PCDH7: variants seen among roughly 807,000 people sequenced by gnomAD.
The protein encoded by PCDH7 is protocadherin-7.
PCDH7 carries 17 observed loss-of-function variants against 58.9 expected under a neutral mutation model. The ratio of observed to expected loss-of-function variants is 0.29; its 90% CI spans 0.20 to 0.43. The LOEUF (loss-of-function observed/expected upper bound fraction) is 0.43. Ranked by LOEUF, PCDH7 falls within the 20% of genes least tolerant of loss-of-function variation. The probability of loss-of-function intolerance (pLI) is 1.00; values close to 1 mark genes in which losing one functional copy is unlikely to be tolerated. For missense variants in PCDH7, 1,274 were observed against 1,441.0 expected (o/e 0.88, Z 1.88); for synonymous variants, 664 against 616.4 (o/e 1.08, Z -1.14).
chr4:31,008,550 T>G (rs1041691601), intron 3 of PCDH7, among the ~76,000 whole-genome samples: 1 of 152,150 alleles, frequency 6.6e-6, no homozygotes, highest in African/African-American at 2.4e-5. Flanking sequence ...AAATTTTAAA[T>G]GAATATTAGT....
At chr4:30,769,391 G>A (rs1721120193) in intron 1 of PCDH7, among the ~76,000 whole-genome samples, 1 of 152,132 alleles carries the variant, frequency 6.6e-6, no homozygotes, top group Non-Finnish European at 1.5e-5. Context: ...CATCTGTGTT[G>A]GTATTCTTTC....
intron 3 of PCDH7, among the ~76,000 whole-genome samples, chr4:31,054,333 C>T (rs1756981072): frequency 6.6e-6 from 1 of 152,112 alleles, no homozygotes; most frequent in Non-Finnish European, 1.5e-5. Context: ...TCAAAGCAGC[C>T]ACAACAAATT....
chr4:30,883,491 C>T (rs1046678719), intron 1 of PCDH7, among the ~76,000 whole-genome samples: 2 of 152,126 alleles, frequency 1.3e-5, no homozygotes, highest in African/African-American at 2.4e-5. Context: ...TAACGTGGTA[C>T]TTACTTTGTT....
At chr4:31,026,661 A>T (rs931789148) in intron 3 of PCDH7, among the ~76,000 whole-genome samples, 1 of 152,092 alleles carries the variant, frequency 6.6e-6, no homozygotes, top group Non-Finnish European at 1.5e-5. Context: ...TTGGCTTCCC[A>T]CATAATTAAA....
chr4:30,958,186 GT>G (rs1197793114), intron 3 of PCDH7, among the ~76,000 whole-genome samples: 7 of 151,978 alleles, frequency 4.6e-5, no homozygotes, highest in Non-Finnish European at 1.0e-4. Context: ...TAGTAAGATA[GT>G]TTGCTGGTGG....
At chr4:31,109,130 T>C (rs1051550374) in intron 3 of PCDH7, among the ~76,000 whole-genome samples, 39 of 152,160 alleles carry the variant, frequency 2.6e-4, no homozygotes, top group Non-Finnish European at 8.8e-5. Flanking sequence ...AGTGTAACAA[T>C]GTTGCTTCCA....
intron 3 of PCDH7, among the ~76,000 whole-genome samples, chr4:30,968,579 G>A (rs956807736): frequency 7.9e-5 from 12 of 151,274 alleles, no homozygotes; most frequent in Admixed American, 6.6e-5. Flanking sequence ...AGACATTATT[G>A]TGCATACTTT....
chr4:31,136,887 A>G (rs980791660), intron 3 of PCDH7, among the ~76,000 whole-genome samples: 2 of 143,140 alleles, frequency 1.4e-5, no homozygotes, highest in Admixed American at 1.4e-4. Context: ...ATCCAAAAAA[A>G]AGTTTTGGTT....
chr4:30,784,241 G>A (rs1442553910), intron 1 of PCDH7, among the ~76,000 whole-genome samples: 1 of 152,162 alleles, frequency 6.6e-6, no homozygotes, highest in African/African-American at 2.4e-5. Context: ...TGATTCCTAA[G>A]TAGTTGTGTA....
At chr4:30,780,730 G>A (rs1029819474) in intron 1 of PCDH7, among the ~76,000 whole-genome samples, 13 of 152,190 alleles carry the variant, frequency 8.5e-5, no homozygotes, top group South Asian at 2.1e-4. Context: ...GTCTGTGTAC[G>A]TCTAATTGAG....
chr4:31,141,537 T>G (rs1278201536), intron 3 of PCDH7, among the ~76,000 whole-genome samples: 5 of 152,200 alleles, frequency 3.3e-5, no homozygotes. Context: ...TACATAACCA[T>G]TCTCCAAAGA....
intron 2 of PCDH7, among the ~76,000 whole-genome samples, chr4:30,937,454 T>G (rs1208015998): frequency 1.3e-5 from 2 of 152,104 alleles, no homozygotes; most frequent in Non-Finnish European, 2.9e-5. Flanking sequence ...GTCACAACCT[T>G]TCCTCCTGCC....
Position 31,047,411 on chromosome 4 carries a change from AT to A in PCDH7, c.*8-95060del, listed in dbSNP as rs200182314. 7.3e-4 allele frequency among the ~76,000 whole-genome samples: 111 copies of A among 152,168 alleles called. 1 individual carries two copies. In the East Asian group the frequency reaches 0.021, roughly 29 times the overall value. On this transcript the variant is annotated intron_variant, in intron 3 of 3. Transcript: ENST00000509759. ...GTTTTTAAATTCAGGAATCATAAAC[AT>A]TGGGTCATGTACAGCTGTATCTTTT... is the stretch of plus-strand genomic sequence containing the variant.
chr4:30,908,816 T>A (rs1741339304), intron 1 of PCDH7, among the ~76,000 whole-genome samples: 1 of 152,098 alleles, frequency 6.6e-6, no homozygotes, highest in Admixed American at 6.6e-5. Flanking sequence ...GAGGGCCTCC[T>A]CCCTAACTCA....
chr4:30,944,518 T>C (rs1746443083), intron 2 of PCDH7, among the ~76,000 whole-genome samples: 1 of 152,090 alleles, frequency 6.6e-6, no homozygotes, highest in Non-Finnish European at 1.5e-5. Flanking sequence ...ACCAAACACA[T>C]AGGACCACTG....
Position 30,758,106 on chromosome 4 carries a change from G to A in PCDH7, c.70+33510G>A, listed in dbSNP as rs561159210. Among the ~76,000 whole-genome samples, 7 of 152,288 alleles carry A rather than the reference G, an allele frequency of 4.6e-5. No homozygotes were observed. In the East Asian group the frequency reaches 1.4e-3, roughly 29 times the overall value. ...CAGAGACAATGTAGGGAGTTCTGAG[G>A]ACCGTGAGGGCTGCAATTAGCTATC... On this transcript the variant is annotated intron_variant, in intron 1 of 3. Transcript: ENST00000509759.
At chr4:30,889,590 G>C (rs1366785657) in intron 1 of PCDH7, among the ~76,000 whole-genome samples, 1 of 152,090 alleles carries the variant, frequency 6.6e-6, no homozygotes, top group Non-Finnish European at 1.5e-5. Flanking sequence ...TAAACTGGTG[G>C]TTTATAAACC....
chr4:30,773,486 A>AT (rs540116231), intron 1 of PCDH7, among the ~76,000 whole-genome samples: 80 of 148,000 alleles, frequency 5.4e-4, no homozygotes, highest in Middle Eastern at 7.0e-3. Context: ...TAAACCTTCT[A>AT]TTTTTTTTTT....
At chr4:30,754,256 A>ACC (rs1204185582) in intron 1 of PCDH7, among the ~76,000 whole-genome samples, 2 of 152,060 alleles carry the variant, frequency 1.3e-5, no homozygotes, top group African/African-American at 4.8e-5. Flanking sequence ...CTCATTAGAA[A>ACC]ATGTCCTGAA....
Sources: allele counts gnomAD v4.1 joint callset (sites outside exome capture counted in the v4.1 genomes callset), GRCh38; gene constraint gnomAD v4.1.1; transcripts MANE v1.5; gene names NCBI Gene and HGNC (gene_info 2026-07-23, HGNC 2026-07-21).